Variants in ZBTB20 observed in about 807,000 individuals in gnomAD.
The protein encoded by ZBTB20 is zinc finger and BTB domain-containing protein 20.
ZBTB20 carries 9 observed loss-of-function variants against 56.9 expected under a neutral mutation model. That is an observed-to-expected ratio of 0.16 (90% CI 0.10 to 0.28). The LOEUF is 0.28. ZBTB20 is among the 10% of genes least tolerant of loss of function. ZBTB20 has a pLI of 1.00. For synonymous variants in ZBTB20, 417 were observed against 420.7 expected (o/e 0.99, Z 0.11); for missense variants, 655 against 1,003.0 (o/e 0.65, Z 4.69).
chr3:114,499,189 G>GGACA (rs1001459469), intron 7 of ZBTB20, among the ~76,000 whole-genome samples: 2 of 152,110 alleles, frequency 1.3e-5, no homozygotes, highest in Non-Finnish European at 2.9e-5. Flanking sequence ...GACTTGTCAG[G>GGACA]GACAGGTAGG....
At chr3:114,991,561 T>C (rs2078811248) in intron 2 of ZBTB20, among the ~76,000 whole-genome samples, 1 of 152,168 alleles carries the variant, frequency 6.6e-6, no homozygotes, top group Admixed American at 6.6e-5. Context: ...GATGTGGTGC[T>C]GAGAAGAATG....
At position 114,706,842 on chromosome 3, in the gene ZBTB20, A is replaced by T. The variant is rs142280972; in HGVS notation, c.-342-13267T>A. Among the ~76,000 whole-genome samples the T allele has an allele frequency of 2.7e-4, 41 of 152,252 alleles. 1 individual carries two copies. In the East Asian group the frequency reaches 7.7e-3, roughly 29 times the overall value. ...TTCAGGTTAGAGGGGTGGGGTGAAG[A>T]GTGGCTTTCAGATCAAATGACGAGA... On this transcript the variant is annotated intron_variant, in intron 5 of 11. Coordinates refer to ENST00000675478, the MANE Select transcript of ZBTB20 (RefSeq NM_001348800.3).
chr3:114,662,807 C>T (rs2060816326), intron 6 of ZBTB20, among the ~76,000 whole-genome samples: 1 of 151,890 alleles, frequency 6.6e-6, no homozygotes, highest in East Asian at 1.9e-4. Flanking sequence ...GGATATTAGC[C>T]ATGAGTAGGT....
At chr3:114,631,827 A>G (rs562062990) in intron 6 of ZBTB20, among the ~76,000 whole-genome samples, 1 of 152,222 alleles carries the variant, frequency 6.6e-6, no homozygotes, top group African/African-American at 2.4e-5. Context: ...TGATACTGTG[A>G]TCATTGTTAG....
chr3:114,432,727 G>A (rs886084636), intron 7 of ZBTB20, among the ~76,000 whole-genome samples: 1 of 152,112 alleles, frequency 6.6e-6, no homozygotes, highest in Non-Finnish European at 1.5e-5. Flanking sequence ...TATTTATTTT[G>A]GAATTCTTTG....
chr3:114,680,260 T>C (rs771725837), intron 6 of ZBTB20, among the ~76,000 whole-genome samples: 4 of 152,182 alleles, frequency 2.6e-5, no homozygotes, highest in Non-Finnish European at 5.9e-5. Context: ...ATTCTGCACA[T>C]GTACCCCAGA....
intron 3 of ZBTB20, among the ~76,000 whole-genome samples, chr3:114,908,162 G>A (rs141906319): frequency 6.6e-6 from 1 of 152,016 alleles, no homozygotes; most frequent in East Asian, 1.9e-4. Flanking sequence ...TATACGAAAG[G>A]CATTCAAGCC....
chr3:114,488,307 T>TA (rs2042364316), intron 7 of ZBTB20, among the ~76,000 whole-genome samples: 1 of 152,268 alleles, frequency 6.6e-6, no homozygotes, highest in Non-Finnish European at 1.5e-5. Flanking sequence ...ACAAACCTGT[T>TA]AGACGGCTCA....
chr3:114,734,904 C>T (rs185949018), intron 5 of ZBTB20, among the ~76,000 whole-genome samples: 148 of 152,198 alleles, frequency 9.7e-4, no homozygotes, highest in Non-Finnish European at 1.9e-3. Flanking sequence ...CAGACACACC[C>T]ATGAGCCTAA....
intron 3 of ZBTB20, among the ~76,000 whole-genome samples, chr3:114,969,707 A>G (rs1310305387): frequency 2.6e-5 from 4 of 152,222 alleles, no homozygotes; most frequent in Non-Finnish European, 4.4e-5. Flanking sequence ...ATTGGATGAG[A>G]CAAATATTCA....
chr3:114,990,942 G>A (rs925707588), intron 2 of ZBTB20, among the ~76,000 whole-genome samples: 27 of 152,094 alleles, frequency 1.8e-4, no homozygotes, highest in Admixed American at 5.9e-4. Flanking sequence ...CTGTGGAATC[G>A]ATGGTGATAT....
At chr3:114,839,161 G>A (rs2074255668) in intron 4 of ZBTB20, among the ~76,000 whole-genome samples, 2 of 152,014 alleles carry the variant, frequency 1.3e-5, no homozygotes, top group South Asian at 4.2e-4. Context: ...AGCACTTTGG[G>A]AGGCCAAAGT....
chr3:114,973,268 A>G (rs1199937923), intron 3 of ZBTB20, among the ~76,000 whole-genome samples: 1 of 152,210 alleles, frequency 6.6e-6, no homozygotes, highest in Non-Finnish European at 1.5e-5. Flanking sequence ...TAATCAAGGC[A>G]TTTATCATTA....
intron 7 of ZBTB20, among the ~76,000 whole-genome samples, chr3:114,411,313 T>C (rs2087923166): frequency 6.6e-6 from 1 of 152,128 alleles, no homozygotes. Context: ...AGGTCCCCCA[T>C]GGCTCCAGGC....
At chr3:114,714,848 G>C (rs2064350126) in intron 5 of ZBTB20, among the ~76,000 whole-genome samples, 1 of 152,218 alleles carries the variant, frequency 6.6e-6, no homozygotes, top group African/African-American at 2.4e-5. Context: ...TCACACAGGA[G>C]AATTAAGAAA....
chr3:114,437,011 A>G (rs374867095), intron 7 of ZBTB20, among the ~76,000 whole-genome samples: 1 of 152,210 alleles, frequency 6.6e-6, no homozygotes, highest in Non-Finnish European at 1.5e-5. Context: ...CCTTCATGCT[A>G]TAACCACTTC....
At chr3:114,613,811 C>G (rs1050887020) in intron 6 of ZBTB20, among the ~76,000 whole-genome samples, 2 of 151,962 alleles carry the variant, frequency 1.3e-5, no homozygotes, top group Non-Finnish European at 2.9e-5. Flanking sequence ...AAGTATTAAC[C>G]ATGATCCTAT....
At chr3:114,900,162 T>G (rs978818500) in intron 4 of ZBTB20, 142 bp downstream of exon 4, 1 of 152,152 alleles carries the variant, frequency 6.6e-6, no homozygotes, top group African/African-American at 2.4e-5. Context: ...GTACTATCCT[T>G]TGAAGCTGTC....
intron 6 of ZBTB20, among the ~76,000 whole-genome samples, chr3:114,685,815 G>A (rs1036309248): frequency 8.6e-5 from 13 of 151,970 alleles, no homozygotes; most frequent in African/African-American, 2.4e-4. Flanking sequence ...AAAGAGAATA[G>A]TAATAATAAT....
Sources: gnomAD v4.1 joint callset for allele counts (sites outside exome capture counted in the v4.1 genomes callset) on GRCh38, gnomAD v4.1.1 for gene constraint, MANE v1.5 for transcripts, NCBI Gene and HGNC (gene_info 2026-07-23, HGNC 2026-07-21) for gene names.